ATP2C2: variants seen among roughly 807,000 people sequenced by gnomAD.
ATP2C2 encodes the protein ATPase secretory pathway Ca2+ transporting 2, also known as calcium-transporting ATPase type 2C member 2.
A neutral mutation model predicts 110.8 loss-of-function variants in ATP2C2; 171 were observed. That is an observed-to-expected ratio of 1.54 (90% CI 1.36 to 1.75). The LOEUF (loss-of-function observed/expected upper bound fraction) is 1.75, where lower values mean the gene tolerates loss of function less well. Ranked by LOEUF, ATP2C2 falls within the 40% of genes most tolerant of loss-of-function variation. ATP2C2 has a pLI of 0.00. For missense variants in ATP2C2, 1,963 were observed against 1,235.0 expected (o/e 1.59, Z -8.84); for synonymous variants, 804 against 508.4 (o/e 1.58, Z -7.82).
In ATP2C2 at chr16:84,463,923, C is replaced by A; in HGVS notation, c.*191C>A. On this transcript the variant is annotated 3_prime_UTR_variant, in exon 27 of 27. Transcript: ENST00000262429. ...CCCAGGCCCACATCCATCCAGCGTT[C>A]CCGCTGGCTGTGGGACAGACAGGGA... 1 of 581,488 alleles carries A rather than the reference C, an allele frequency of 1.7e-6. No individual in the cohort carries two copies. Among genetic ancestry groups the A allele is most frequent in the Admixed American group, 3.0e-5 (1 of 33,514 alleles). The allele number at this position is 581,488 out of a possible 1,614,324, so 36.0% of individuals were successfully genotyped here.
intron 21 of ATP2C2, among the ~76,000 whole-genome samples, chr16:84,458,460 C>T (rs1240568536): frequency 1.5e-5 from 2 of 134,850 alleles, no homozygotes; most frequent in Non-Finnish European, 3.2e-5. Context: ...CTAACCTGCA[C>T]AATGTGCACA....
intron 1 of ATP2C2, among the ~76,000 whole-genome samples, chr16:84,384,180 G>A (rs117474722): frequency 1.3e-5 from 2 of 152,302 alleles, no homozygotes; most frequent in East Asian, 3.9e-4. Flanking sequence ...CAGTCCACAA[G>A]TTCCCATCAG....
In ATP2C2 at chr16:84,376,114, G is replaced by T. The variant is rs193032658; in HGVS notation, c.99+7400G>T. Among the ~76,000 whole-genome samples, 37 of 152,290 alleles carry T rather than the reference G, an allele frequency of 2.4e-4. No individual in the cohort carries two copies. The East Asian group carries it at 6.7e-3, about 28-fold the overall frequency. On this transcript the variant is annotated intron_variant, in intron 1 of 26. Transcript: ENST00000262429. ...AGGTGGATGGGACAGGGGTCTGTAC[G>T]TGACCATTTGGGGGCTCCTGCGACC...
chr16:84,462,419 T>G (rs765617764), intron 26 of ATP2C2: 1 of 328,892 alleles, frequency 3.0e-6, no homozygotes, highest in South Asian at 6.1e-5. Context: ...TCAGAGCACG[T>G]GCAGGGAGGA....
In ATP2C2 at chr16:84,422,657, C is replaced by G. The variant is rs201867078; in HGVS notation, c.803C>G (p.Ser268Cys). 1.2e-5 allele frequency: 19 copies of G among 1,613,428 alleles called. No individual in the cohort carries two copies. The highest frequency in any genetic ancestry group is 1.7e-5 in the Admixed American group (1 of 59,850). ...GTCGTGATTGGAACAGGGGAAAGCT[C>G]TCAGTTCGGAGAAGTGTTTAAGATG... Reference protein sequence around the residue: ...QGVVIGTGESSQFGEVFKMMQ... With the variant: ...QGVVIGTGESCQFGEVFKMMQ... The change falls in exon 9 of 27, where the codon TCT (serine) becomes TGT (cysteine). Residue 268 changes from serine (S) to cysteine (C), a missense_variant. Transcript: ENST00000262429.
intron 1 of ATP2C2, among the ~76,000 whole-genome samples, chr16:84,369,117 C>CA (rs1040498258): frequency 4.6e-5 from 7 of 152,060 alleles, no homozygotes; most frequent in Admixed American, 3.9e-4. Context: ...TAGAGGGATG[C>CA]AAAAAACAAA....
chr16:84,455,414 G>A (rs930032894), intron 21 of ATP2C2, among the ~76,000 whole-genome samples: 3 of 152,170 alleles, frequency 2.0e-5, no homozygotes, highest in Admixed American at 2.0e-4. Flanking sequence ...TGAGGCCTGC[G>A]TGTTGATACA....
intron 15 of ATP2C2, among the ~76,000 whole-genome samples, chr16:84,443,668 T>C (rs910602470): frequency 5.3e-5 from 8 of 152,278 alleles, no homozygotes; most frequent in African/African-American, 1.9e-4. Flanking sequence ...CACTGCCTTG[T>C]ATTTTCAGCT....
chr16:84,418,169 C>T (rs949229757), intron 7 of ATP2C2, among the ~76,000 whole-genome samples: 2 of 152,172 alleles, frequency 1.3e-5, no homozygotes, highest in African/African-American at 4.8e-5. Flanking sequence ...AGTGACGCTT[C>T]GTCTTGGAGG....
At chr16:84,371,804 T>C (rs1172085136) in intron 1 of ATP2C2, among the ~76,000 whole-genome samples, 1 of 152,140 alleles carries the variant, frequency 6.6e-6, no homozygotes, top group Non-Finnish European at 1.5e-5. Flanking sequence ...TGACCACCCA[T>C]CCATTCAACC....
At chr16:84,408,543 G>C (rs1905987954) in intron 4 of ATP2C2, 49 bp downstream of exon 4, 1 of 1,452,666 alleles carries the variant, frequency 6.9e-7, no homozygotes, top group African/African-American at 1.4e-5. Context: ...CCACAGGTCT[G>C]CTGAGTCTCT....
At chr16:84,420,256 C>T (rs8053664) in intron 7 of ATP2C2, among the ~76,000 whole-genome samples, 4,225 of 152,152 alleles carry the variant, frequency 0.028, 170 homozygotes, top group African/African-American at 0.09. Flanking sequence ...CTTCCTGAGG[C>T]AGAAATTGTA....
intron 1 of ATP2C2, among the ~76,000 whole-genome samples, chr16:84,375,358 G>A (rs1910190318): frequency 1.3e-5 from 2 of 152,074 alleles, no homozygotes; most frequent in South Asian, 2.1e-4. Context: ...CCTGACCAAC[G>A]TGGTGAAACC....
chr16:84,412,848 C>G (rs1906498889), intron 6 of ATP2C2, among the ~76,000 whole-genome samples: 1 of 152,048 alleles, frequency 6.6e-6, no homozygotes, highest in Non-Finnish European at 1.5e-5. Flanking sequence ...GTAATCCCAG[C>G]ACTTTGGGAG....
At position 84,431,474 on chromosome 16, in the gene ATP2C2, C is replaced by T. The variant is rs564233962; in HGVS notation, c.986+5673C>T. 3.9e-5 allele frequency among the ~76,000 whole-genome samples: 6 copies of T among 151,976 alleles called. No homozygotes were observed. In the East Asian group the frequency reaches 5.8e-4, roughly 15 times the overall value. The stretch of plus-strand genomic sequence containing the variant: ...TCTCACCACTGCACCCCAACCTGGG[C>T]AACAGAGCAAAACTCTGTCTCAAGA... On this transcript the variant is annotated intron_variant, in intron 11 of 26. Transcript: ENST00000262429.
intron 9 of ATP2C2, 86 bp from the exon 10 acceptor site, chr16:84,423,102 T>C (rs1035575041): frequency 1.7e-6 from 2 of 1,183,064 alleles, no homozygotes; most frequent in African/African-American, 1.5e-5. Flanking sequence ...ACTGAAGCTG[T>C]AGGATGGCAA....
intron 15 of ATP2C2, among the ~76,000 whole-genome samples, chr16:84,446,007 G>T: frequency 6.6e-6 from 1 of 152,188 alleles, no homozygotes; most frequent in East Asian, 1.9e-4. Context: ...CTGACTCAGG[G>T]GGTTCCGTCT....
chr16:84,454,303 C>T (rs1910588771), intron 20 of ATP2C2, among the ~76,000 whole-genome samples: 1 of 151,920 alleles, frequency 6.6e-6, no homozygotes, highest in Non-Finnish European at 1.5e-5. Context: ...CTCTGAATAC[C>T]AAAAAAAGGT....
intron 26 of ATP2C2, chr16:84,462,577 G>A (rs1377106422): frequency 6.3e-6 from 1 of 158,186 alleles, no homozygotes; most frequent in Non-Finnish European, 1.4e-5. Flanking sequence ...AAAGGGACAT[G>A]ATTCAGTCAC....
Sources: gnomAD v4.1 joint callset for allele counts (sites outside exome capture counted in the v4.1 genomes callset) on GRCh38, gnomAD v4.1.1 for gene constraint, MANE v1.5 for transcripts, NCBI Gene and HGNC (gene_info 2026-07-23, HGNC 2026-07-21) for gene names.